Variants in FLRT3 observed in about 807,000 individuals in gnomAD.
FLRT3 encodes the protein fibronectin leucine rich transmembrane protein 3.
A neutral mutation model predicts 42.6 loss-of-function variants in FLRT3; 17 were observed. The observed-to-expected ratio is 0.40, with a 90% CI of 0.27 to 0.60. The LOEUF (loss-of-function observed/expected upper bound fraction) is 0.60. Ranked by LOEUF, FLRT3 falls within the 20% of genes least tolerant of loss-of-function variation. The pLI is 0.44. For synonymous variants in FLRT3, 279 were observed against 286.4 expected (o/e 0.97, Z 0.26); for missense variants, 635 against 789.2 (o/e 0.80, Z 2.34).
chr20:14,332,272 A>G (rs1367131248), intron 1 of FLRT3, among the ~76,000 whole-genome samples: 2 of 152,134 alleles, frequency 1.3e-5, no homozygotes, highest in Non-Finnish European at 2.9e-5. Flanking sequence ...GATACACCCA[A>G]TAAAACATGT....
At position 14,324,125 on chromosome 20, in the gene FLRT3, T is replaced by G. The variant is rs1039771114; in HGVS notation, c.*1432A>C. ...ACAATCCTGAAAAAGCAAGCACAAT[T>G]ATTCTGTACTTTTTAAAAGTTTTAT... On this transcript the variant is annotated 3_prime_UTR_variant, in exon 3 of 3. Coordinates refer to ENST00000341420, the MANE Select transcript of FLRT3 (RefSeq NM_198391.3). 2.6e-5 allele frequency: 4 copies of G among 152,606 alleles called. No individual in the cohort carries two copies. Among genetic ancestry groups the G allele is most frequent in the African/African-American group, 7.2e-5 (3 of 41,442 alleles). 9.5% of individuals were successfully genotyped at this position (152,606 alleles called of 1,614,324 possible).
At chr20:14,330,114 A>G (rs1163239662) in intron 1 of FLRT3, among the ~76,000 whole-genome samples, 3 of 152,246 alleles carry the variant, frequency 2.0e-5, no homozygotes, top group African/African-American at 7.2e-5. Context: ...TTAGGAAAGC[A>G]CATCAAAACC....
intron 1 of FLRT3, among the ~76,000 whole-genome samples, chr20:14,333,607 A>G (rs181409976): frequency 1.6e-3 from 244 of 152,292 alleles, no homozygotes; most frequent in African/African-American, 5.4e-3. Context: ...ACGTTTTACC[A>G]TTGCAGACTT....
In FLRT3 at chr20:14,327,084, A is replaced by G. The variant is rs2122580935; in HGVS notation, c.423T>C (p.Ser141=). Reference sequence around the variant, plus strand: ...ATGCTCCCTCTTCTATGCTAACTGCAGAGACAGAGTTGTCATCTAAATGTA... The same window carrying G: ...ATGCTCCCTCTTCTATGCTAACTGCGGAGACAGAGTTGTCATCTAAATGTA... The part of the protein sequence containing the change: ...EELHLDDNSV[S]AVSIEEGAFR... The change falls in exon 3 of 3, where the codon TCT becomes TCC. Residue 141 remains serine, a synonymous_variant. Coordinates refer to ENST00000341420, the MANE Select transcript of FLRT3 (RefSeq NM_198391.3). 1 of 1,613,814 alleles carries G rather than the reference A, an allele frequency of 6.2e-7. No homozygotes were observed. Among genetic ancestry groups the G allele is most frequent in the East Asian group, 2.2e-5 (1 of 44,862 alleles).
chr20:14,333,187 A>G (rs1000422432), intron 1 of FLRT3, among the ~76,000 whole-genome samples: 8 of 152,190 alleles, frequency 5.3e-5, no homozygotes, highest in Non-Finnish European at 7.4e-5. Context: ...TATCCAGACT[A>G]TTTTCTAGCC....
intron 2 of FLRT3, among the ~76,000 whole-genome samples, chr20:14,328,607 CG>C (rs1432769190): frequency 6.6e-6 from 1 of 151,934 alleles, no homozygotes; most frequent in Non-Finnish European, 1.5e-5. Flanking sequence ...GTAAATTTTG[CG>C]GGGGTGAATA....
Position 14,323,254 on chromosome 20 carries a change from C to T in FLRT3, c.*2303G>A, listed in dbSNP as rs2122556810. On this transcript the variant is annotated 3_prime_UTR_variant, in exon 3 of 3. Transcript: ENST00000341420. Reference sequence around the variant, plus strand: ...CTTCAAGTTTGGTTTCCCAGGATCCCCTTTTTGTGTTCTATTAATTTGCTA... The same window carrying T: ...CTTCAAGTTTGGTTTCCCAGGATCCTCTTTTTGTGTTCTATTAATTTGCTA... The T allele has an allele frequency of 2.0e-5, 3 of 152,254 alleles. No individual in the cohort carries two copies. The highest frequency in any genetic ancestry group is 2.0e-4 in the Admixed American group (3 of 15,276). The allele number at this position is 152,254 out of a possible 1,614,324, so 9.4% of individuals were successfully genotyped here. A position where few individuals can be genotyped will look rare whatever the true frequency, so the allele number is the denominator to read the frequency against.
In FLRT3 at chr20:14,326,726, G is replaced by T. The variant is rs564318429; in HGVS notation, c.781C>A (p.Arg261=). 2 of 1,613,764 alleles carry T rather than the reference G, an allele frequency of 1.2e-6. No homozygotes were observed. The highest frequency in any genetic ancestry group is 1.7e-5 in the Admixed American group (1 of 59,952). ...KLYLQDNHIN[R]VPPNAFSYLR... Reference sequence around the variant, plus strand: ...TAAGAAAAAGCATTTGGGGGCACCCGATTGATGTGGTTATCTTGAAGATAA... The same window carrying T: ...TAAGAAAAAGCATTTGGGGGCACCCTATTGATGTGGTTATCTTGAAGATAA... Residue 261 remains arginine, a synonymous_variant, in exon 3 of 3, where the codon CGG becomes AGG. Coordinates refer to ENST00000341420, the MANE Select transcript of FLRT3 (RefSeq NM_198391.3). This position sits in a 1 kb window ranked among gnomAD's most constrained non-coding sequence, Gnocchi z 5.5.
chr20:14,330,557 G>A (rs576395224), intron 1 of FLRT3, among the ~76,000 whole-genome samples: 1 of 152,000 alleles, frequency 6.6e-6, no homozygotes, highest in Non-Finnish European at 1.5e-5. Flanking sequence ...GTTTCTTTTA[G>A]TTTGCTAACT....
chr20:14,336,270 G>A (rs2082934568), intron 1 of FLRT3, among the ~76,000 whole-genome samples: 1 of 151,770 alleles, frequency 6.6e-6, no homozygotes, highest in South Asian at 2.1e-4. Context: ...TATTAAGAAT[G>A]TTTAAAATAG....
chr20:14,325,797 TCTC>T lies in FLRT3; in HGVS notation c.1707_1709del (p.Arg571del). The T allele has an allele frequency of 1.9e-6, 3 of 1,613,918 alleles. No individual in the cohort carries two copies. Among genetic ancestry groups the T allele is most frequent in the Non-Finnish European group, 2.5e-6 (3 of 1,179,868 alleles). On this transcript the variant is annotated inframe_deletion, in exon 3 of 3. Coordinates refer to ENST00000341420, the MANE Select transcript of FLRT3 (RefSeq NM_198391.3). The stretch of plus-strand genomic sequence containing the variant: ...CAGCTTCTGCATAGTCATCCTTTCT[TCTC>T]CTCCCTTTGCTATATGCACAGTTCC...
intron 1 of FLRT3, among the ~76,000 whole-genome samples, chr20:14,329,970 A>G (rs760747942): frequency 9.9e-5 from 15 of 151,996 alleles, no homozygotes; most frequent in Admixed American, 4.6e-4. Flanking sequence ...CCAAAAGGTG[A>G]CATAGAAGTT....
Position 14,327,111 on chromosome 20 carries a change from T to C in FLRT3, c.396A>G (p.Glu132=). ...DSLSKIPYLE[E]LHLDDNSVSA... ...AGACAGAGTTGTCATCTAAATGTAA[T>C]TCTTCCAGATAGGGAATTTTTGAAA... is the stretch of plus-strand genomic sequence containing the variant. The change falls in exon 3 of 3, where the codon GAA becomes GAG. Residue 132 remains glutamate (E), a synonymous_variant. Coordinates refer to ENST00000341420, the MANE Select transcript of FLRT3 (RefSeq NM_198391.3). The C allele has an allele frequency of 6.2e-7, 1 of 1,613,814 alleles. No homozygotes were observed. The highest frequency in any genetic ancestry group is 8.5e-7 in the Non-Finnish European group (1 of 1,179,788).
chr20:14,328,417 AT>A (rs1372818971), intron 2 of FLRT3, among the ~76,000 whole-genome samples: 6 of 152,018 alleles, frequency 3.9e-5, no homozygotes, highest in Admixed American at 6.6e-5. Context: ...GTGCATTTAT[AT>A]TTCTTTGAAT....
chr20:14,327,083 C>T lies in FLRT3; in HGVS notation c.424G>A (p.Ala142Thr), dbSNP rs761095186. The T allele has an allele frequency of 1.2e-6, 2 of 1,613,734 alleles. No individual in the cohort carries two copies. Among genetic ancestry groups the T allele is most frequent in the East Asian group, 2.2e-5 (1 of 44,858 alleles). The change falls in exon 3 of 3, where the codon GCA becomes ACA. Residue 142 changes from alanine (A) to threonine (T), a missense_variant. Physicochemically the swap from Ala to Thr is moderately conservative, Grantham distance 58 (BLOSUM62 0). Transcript: ENST00000341420. ...AATGCTCCCTCTTCTATGCTAACTG[C>T]AGAGACAGAGTTGTCATCTAAATGT... The part of the protein sequence containing the change: ...ELHLDDNSVS[A>T]VSIEEGAFRD...
Position 14,325,944 on chromosome 20 carries a change from A to G in FLRT3, c.1563T>C (p.Pro521=). The change falls in exon 3 of 3, where the codon CCT becomes CCC. Residue 521 remains proline, a synonymous_variant. Coordinates refer to ENST00000341420, the MANE Select transcript of FLRT3 (RefSeq NM_198391.3). ...CCAAAGGTAAATTGGGGTTTTTGTA[A>G]GGTTCTTTCTCTTGCTCTCGATTGA... is the stretch of plus-strand genomic sequence containing the variant. The part of the protein sequence containing the change: ...TTLNREQEKE[P]YKNPNLPLAA... 1 of 1,613,894 alleles carries G rather than the reference A, an allele frequency of 6.2e-7. No homozygotes were observed.
At chr20:14,335,769 G>A (rs987038996) in intron 1 of FLRT3, among the ~76,000 whole-genome samples, 7 of 152,154 alleles carry the variant, frequency 4.6e-5, no homozygotes, top group Non-Finnish European at 1.0e-4. Context: ...TGTTTTGGTT[G>A]TGCTCTTCAA....
At chr20:14,329,464 C>T (rs1332110066) in intron 1 of FLRT3, 137 bp from the exon 2 acceptor site, 1 of 152,028 alleles carries the variant, frequency 6.6e-6, no homozygotes, top group Non-Finnish European at 1.5e-5. Flanking sequence ...GATAGGTTGA[C>T]CTCTTTGTTT....
rs186649978 is a variant in FLRT3 at position 14,327,575 on chromosome 20, A to G, written c.-52-17T>C. On this transcript the variant is annotated splice_polypyrimidine_tract_variant and intron_variant, in intron 2 of 2. Transcript: ENST00000341420. ...TTCAGAACCCTAAAATGAAGTGAGT[A>G]AAAAAAGACAGAAAACAATAAGGCC... 2,258 of 1,480,548 alleles carry G rather than the reference A, an allele frequency of 1.5e-3. 7 individuals are homozygous for G. The highest frequency in any genetic ancestry group is 2.5e-3 in the African/African-American group (178 of 70,972). The allele number at this position is 1,480,548 out of a possible 1,614,324, so 91.7% of individuals were successfully genotyped here. A position where few individuals can be genotyped will look rare whatever the true frequency, so the allele number is the denominator to read the frequency against.
Sources: allele counts gnomAD v4.1 joint callset (sites outside exome capture counted in the v4.1 genomes callset), GRCh38; gene constraint gnomAD v4.1.1; non-coding constraint Gnocchi (gnomAD v3.1); transcripts MANE v1.5; gene names NCBI Gene and HGNC (gene_info 2026-07-23, HGNC 2026-07-21).